PUS7: variants seen among roughly 807,000 people sequenced by gnomAD.
PUS7 encodes the protein pseudouridylate synthase 7 homolog.
In PUS7, 48 loss-of-function variants were observed where a neutral mutation model predicts 79.8. The observed-to-expected ratio is 0.60, with a 90% CI of 0.48 to 0.76. PUS7 has a LOEUF of 0.76. PUS7 is among the 30% of genes least tolerant of loss of function. The pLI, the probability that PUS7 is intolerant of heterozygous loss-of-function variation, is 0.00. For missense variants in PUS7, 729 were observed against 797.6 expected (o/e 0.91, Z 1.04); for synonymous variants, 286 against 272.2 (o/e 1.05, Z -0.50).
chr7:105,513,639 C>G (rs937908297), intron 1 of PUS7, among the ~76,000 whole-genome samples: 16 of 149,862 alleles, frequency 1.1e-4, no homozygotes, highest in Non-Finnish European at 1.5e-5. Context: ...AGATCGAGAC[C>G]AACCTGGCTA....
intron 9 of PUS7, among the ~76,000 whole-genome samples, chr7:105,474,708 G>A (rs1824017101): frequency 6.6e-6 from 1 of 152,158 alleles, no homozygotes; most frequent in Non-Finnish European, 1.5e-5. Context: ...TTGAACCCAG[G>A]AGGCGGAGGT....
At chr7:105,520,519 A>AAAATAAATAAAT (rs139684453) in intron 1 of PUS7, among the ~76,000 whole-genome samples, 105 of 140,656 alleles carry the variant, frequency 7.5e-4, no homozygotes, top group East Asian at 2.0e-3. Context: ...AGACTGTCTC[A>AAAATAAATAAAT]AAATAAATAA....
At chr7:105,496,715 C>T (rs1045876472) in intron 5 of PUS7, among the ~76,000 whole-genome samples, 1 of 152,020 alleles carries the variant, frequency 6.6e-6, no homozygotes, top group Non-Finnish European at 1.5e-5. Context: ...TAGTGAATCA[C>T]CCTTCCTTCT....
chr7:105,517,620 C>T (rs1825946720), intron 1 of PUS7, among the ~76,000 whole-genome samples: 1 of 152,124 alleles, frequency 6.6e-6, no homozygotes, highest in Non-Finnish European at 1.5e-5. Context: ...TTAAGAAGTA[C>T]TCTTAGCTGG....
intron 10 of PUS7, 35 bp from the exon 11 acceptor site, chr7:105,470,883 C>G: frequency 6.6e-7 from 1 of 1,518,732 alleles, no homozygotes; most frequent in South Asian, 1.3e-5. Flanking sequence ...AAATGACTTA[C>G]CCAATAGACA....
intron 11 of PUS7, 33 bp downstream of exon 11, chr7:105,470,655 G>T: frequency 2.0e-6 from 3 of 1,527,594 alleles, no homozygotes; most frequent in Non-Finnish European, 2.7e-6. Flanking sequence ...AAAACGCCTT[G>T]AGCCATTGCC....
At chr7:105,488,797 C>CTCGG (rs1181954861) in intron 7 of PUS7, among the ~76,000 whole-genome samples, 1 of 152,062 alleles carries the variant, frequency 6.6e-6, no homozygotes, top group African/African-American at 2.4e-5. Flanking sequence ...ATAAGGTGAT[C>CTCGG]TCGGAAGAAG....
chr7:105,475,672 A>AT (rs1824078562), intron 9 of PUS7, among the ~76,000 whole-genome samples: 1 of 151,896 alleles, frequency 6.6e-6, no homozygotes, highest in Non-Finnish European at 1.5e-5. Flanking sequence ...ACCTTCTTTT[A>AT]TTTTATTGTG....
At chr7:105,481,951 C>T (rs908383760) in intron 8 of PUS7, among the ~76,000 whole-genome samples, 17 of 152,158 alleles carry the variant, frequency 1.1e-4, no homozygotes, top group African/African-American at 3.9e-4. Context: ...AGGATGGTCT[C>T]GATCTCCTGA....
chr7:105,475,655 T>G (rs1450806214), intron 9 of PUS7, among the ~76,000 whole-genome samples: 6 of 152,160 alleles, frequency 3.9e-5, no homozygotes, highest in Non-Finnish European at 7.4e-5. Flanking sequence ...TTATCTTTCC[T>G]TCTTCTACCT....
At chr7:105,496,949 C>T (rs1343443875) in intron 5 of PUS7, 1 of 1,215,676 alleles carries the variant, frequency 8.2e-7, no homozygotes, top group Non-Finnish European at 1.1e-6. Flanking sequence ...GCCAAATGCT[C>T]TTACCTGCTG....
At chr7:105,503,506 C>T (rs957162694) in intron 4 of PUS7, among the ~76,000 whole-genome samples, 1 of 152,106 alleles carries the variant, frequency 6.6e-6, no homozygotes, top group African/African-American at 2.4e-5. Context: ...TGAGAATTTT[C>T]CCTCCCTCTT....
At chr7:105,492,255 C>T (rs185969808) in intron 6 of PUS7, among the ~76,000 whole-genome samples, 1 of 151,968 alleles carries the variant, frequency 6.6e-6, no homozygotes, top group Non-Finnish European at 1.5e-5. Flanking sequence ...CACTACACTC[C>T]TGCCTGGGTG....
At chr7:105,468,535 TG>T in intron 11 of PUS7, 72 bp from the exon 12 acceptor site, 1 of 1,288,344 alleles carries the variant, frequency 7.8e-7, no homozygotes, top group Non-Finnish European at 1.1e-6. Context: ...TTTTTTTTTT[TG>T]AGATGGGGTC....
intron 7 of PUS7, among the ~76,000 whole-genome samples, chr7:105,488,845 T>G (rs999145053): frequency 3.3e-5 from 5 of 152,170 alleles, no homozygotes; most frequent in African/African-American, 1.2e-4. Context: ...TACCTAGTTC[T>G]TTCTGTGTTG....
chr7:105,457,436 C>T lies in PUS7; in HGVS notation c.*354G>A. 6.0e-6 allele frequency: 1 copy of T among 167,360 alleles called. No homozygotes were observed. The highest frequency in any genetic ancestry group is 1.3e-5 in the Non-Finnish European group (1 of 77,676). The allele number at this position is 167,360 out of a possible 1,614,324, so 10.4% of individuals were successfully genotyped here. A position where few individuals can be genotyped will look rare whatever the true frequency, so the allele number is the denominator to read the frequency against. Reference sequence around the variant, plus strand: ...AAATGCATTGTTGTATACTCCATCACAGATGTGTCAAATACTCCTGCTGTC... The same window carrying T: ...AAATGCATTGTTGTATACTCCATCATAGATGTGTCAAATACTCCTGCTGTC... On this transcript the variant is annotated 3_prime_UTR_variant, in exon 16 of 16. Coordinates refer to ENST00000469408, the MANE Select transcript of PUS7 (RefSeq NM_019042.5).
chr7:105,494,989 A>AAAAG lies in PUS7; in HGVS notation c.842+149_842+152dup, dbSNP rs1554348283. Among the ~76,000 whole-genome samples the AAAAG allele has an allele frequency of 3.5e-3, 524 of 149,776 alleles. 2 individuals carry two copies. The highest frequency in any genetic ancestry group is 6.9e-3 in the Admixed American group (103 of 14,990). ...GAGACTGTCTAAAAAAAAAAAAAAA[A>AAAAG]AAAGAAAGAAAGAAAGAAAGAAAAC... On this transcript the variant is annotated intron_variant, in intron 6 of 15. Coordinates refer to ENST00000469408, the MANE Select transcript of PUS7 (RefSeq NM_019042.5).
rs2133192903 is a variant in PUS7 at position 105,495,250 on chromosome 7, G to A, written c.734C>T (p.Pro245Leu). ...HAAGKKALAN[P>L]RKHSWPKSRG... ...AGATTTTGGCCAAGAATGTTTTCTT[G>A]GATCTTGAAAGCAAAAGAATTAACA... is the stretch of plus-strand genomic sequence containing the variant. The change falls in exon 6 of 16, where the codon CCA (proline) becomes CTA (leucine). Residue 245 changes from proline (P) to leucine (L), a missense_variant. By Grantham distance (98) the Pro-to-Leu change is moderately conservative (BLOSUM62 -3). Coordinates refer to ENST00000469408, the MANE Select transcript of PUS7 (RefSeq NM_019042.5). 1 of 1,570,044 alleles carries A rather than the reference G, an allele frequency of 6.4e-7. No individual in the cohort carries two copies. Among genetic ancestry groups the A allele is most frequent in the African/African-American group, 1.4e-5 (1 of 73,820 alleles).
intron 14 of PUS7, among the ~76,000 whole-genome samples, chr7:105,459,565 G>C (rs1823328512): frequency 6.6e-6 from 1 of 151,578 alleles, no homozygotes; most frequent in Admixed American, 6.6e-5. Flanking sequence ...AGTCTCACAA[G>C]TAGCTGGGAC....
Sources: allele counts gnomAD v4.1 joint callset (sites outside exome capture counted in the v4.1 genomes callset), GRCh38; gene constraint gnomAD v4.1.1; transcripts MANE v1.5; gene names NCBI Gene and HGNC (gene_info 2026-07-23, HGNC 2026-07-21).